The following GALNT13 variants were observed in gnomAD, a reference collection of about 807,000 sequenced individuals.
GALNT13 encodes the protein polypeptide N-acetylgalactosaminyltransferase 13, also known as UDP-GalNAc:polypeptide N-acetylgalactosaminyltransferase 13.
Under a neutral mutation model 64.2 loss-of-function variants are expected in GALNT13, and 28 were observed. The observed-to-expected ratio is 0.44, with a 90% CI of 0.32 to 0.60. The LOEUF (loss-of-function observed/expected upper bound fraction) is 0.60. GALNT13 is among the 20% of genes least tolerant of loss of function. The pLI, the probability that GALNT13 is intolerant of heterozygous loss-of-function variation, is 0.05. For missense variants in GALNT13, 577 were observed against 669.8 expected (o/e 0.86, Z 1.53); for synonymous variants, 214 against 224.6 (o/e 0.95, Z 0.42).
intron 4 of GALNT13, among the ~76,000 whole-genome samples, chr2:154,207,373 G>A (rs140413511): frequency 5.1e-4 from 78 of 151,844 alleles, no homozygotes; most frequent in East Asian, 1.2e-3. Context: ...TATCATTTCC[G>A]TACCCAATTT....
In GALNT13 at chr2:154,344,104, C is replaced by G. The variant is rs78697819; in HGVS notation, c.1156+42515C>G. On this transcript the variant is annotated intron_variant, in intron 9 of 12. Transcript: ENST00000392825. ...AAGAAGGATTTTATGTATTCTGTCT[C>G]TATGATCTTTACAGATTCCTTAGTA... Among the ~76,000 whole-genome samples, 719 of 152,138 alleles carry G rather than the reference C, an allele frequency of 4.7e-3. 3 individuals carry two copies. The highest frequency in any genetic ancestry group is 5.9e-3 in the Admixed American group (90 of 15,236).
At chr2:153,512,871 A>T in the GALNT13 span, among the ~76,000 whole-genome samples, 7 of 152,312 alleles carry the variant, frequency 4.6e-5, no homozygotes, top group African/African-American at 1.7e-4. Flanking sequence ...TGCCCAGCTG[A>T]GTTTATTCCA....
intron 8 of GALNT13, among the ~76,000 whole-genome samples, chr2:154,292,950 G>A (rs1355404020): frequency 2.6e-5 from 4 of 152,070 alleles, no homozygotes; most frequent in Admixed American, 2.6e-4. Context: ...CTCCTAGCAG[G>A]GGAAATAGAG....
chr2:153,566,158 A>G, the GALNT13 span, among the ~76,000 whole-genome samples: 1 of 152,264 alleles, frequency 6.6e-6, no homozygotes, highest in Non-Finnish European at 1.5e-5. Flanking sequence ...TCAAAACAGA[A>G]TTCTTTATTT....
the GALNT13 span, among the ~76,000 whole-genome samples, chr2:153,500,253 GAC>G: frequency 2.0e-5 from 3 of 152,124 alleles, no homozygotes; most frequent in East Asian, 5.8e-4. Flanking sequence ...CCATTTGCAT[GAC>G]CATTTGGAGT....
chr2:153,530,234 C>T, the GALNT13 span, among the ~76,000 whole-genome samples: 1 of 151,752 alleles, frequency 6.6e-6, no homozygotes, highest in East Asian at 1.9e-4. Flanking sequence ...TATATGCCAA[C>T]TGTGAACAAG....
At chr2:153,935,557 G>T (rs1690846844) in intron 2 of GALNT13, among the ~76,000 whole-genome samples, 1 of 152,206 alleles carries the variant, frequency 6.6e-6, no homozygotes, top group Admixed American at 6.5e-5. Context: ...ACAATGTTAT[G>T]CAAGTTCCTG....
At chr2:153,870,053 G>A (rs527499135), upstream of GALNT13, among the ~76,000 whole-genome samples, 3 of 152,006 alleles carry the variant, frequency 2.0e-5, no homozygotes, top group Admixed American at 1.3e-4. Context: ...CACCAGACAA[G>A]TGAGTGAAGC....
intron 3 of GALNT13, among the ~76,000 whole-genome samples, chr2:153,974,151 C>G (rs191596594): frequency 7.9e-5 from 12 of 152,170 alleles, no homozygotes; most frequent in African/African-American, 2.4e-4. Context: ...TATTTTGTGG[C>G]TGTTACTTGC....
the GALNT13 span, among the ~76,000 whole-genome samples, chr2:153,236,605 T>G: frequency 1.2e-4 from 18 of 152,082 alleles, no homozygotes; most frequent in Non-Finnish European, 2.5e-4. Context: ...ACAGCATATA[T>G]GTTTACAGTA....
At chr2:154,285,179 C>T (rs1294611623) in intron 8 of GALNT13, among the ~76,000 whole-genome samples, 2 of 152,144 alleles carry the variant, frequency 1.3e-5, no homozygotes, top group South Asian at 4.1e-4. Context: ...GTTGTCTCCT[C>T]ACTCTGTTGT....
the GALNT13 span, among the ~76,000 whole-genome samples, chr2:153,287,211 G>T: frequency 0.36 from 55,154 of 151,974 alleles, 11,853 homozygotes; most frequent in Non-Finnish European, 0.5. Flanking sequence ...GCTCCGCTGC[G>T]CATACCCCTA....
At chr2:153,704,708 T>C in the GALNT13 span, among the ~76,000 whole-genome samples, 1 of 152,188 alleles carries the variant, frequency 6.6e-6, no homozygotes, top group Admixed American at 6.6e-5. Context: ...ATAAATTCCA[T>C]CTGAACCCAT....
At chr2:153,373,260 A>C in the GALNT13 span, among the ~76,000 whole-genome samples, 5 of 152,266 alleles carry the variant, frequency 3.3e-5, no homozygotes, top group East Asian at 7.7e-4. Flanking sequence ...TGGGCCAGTA[A>C]GTCACACAAG....
the GALNT13 span, among the ~76,000 whole-genome samples, chr2:153,553,096 A>G: frequency 6.6e-6 from 1 of 152,228 alleles, no homozygotes; most frequent in African/African-American, 2.4e-5. Context: ...TGGAGTTATT[A>G]AAAAGAGTGA....
the GALNT13 span, chr2:153,478,138 G>A: frequency 1.1e-6 from 1 of 903,920 alleles, no homozygotes; most frequent in Non-Finnish European, 1.7e-6. Context: ...AATTGACTCC[G>A]ACAGGTTTGC....
chr2:154,424,236 G>A (rs764943739), intron 11 of GALNT13, among the ~76,000 whole-genome samples: 11 of 152,102 alleles, frequency 7.2e-5, no homozygotes, highest in Non-Finnish European at 1.3e-4. Context: ...ACCAAGAAGT[G>A]AAATGCTAAT....
chr2:153,743,733 G>C, the GALNT13 span, among the ~76,000 whole-genome samples: 12,630 of 152,060 alleles, frequency 0.083, 1,157 homozygotes, highest in African/African-American at 0.22. Context: ...TTATTGACTA[G>C]AGTCACCCTG....
At chr2:153,332,762 G>A in the GALNT13 span, among the ~76,000 whole-genome samples, 3,389 of 152,150 alleles carry the variant, frequency 0.022, 121 homozygotes, top group African/African-American at 0.076. Context: ...GTAAGAGTGG[G>A]GCACCTCAGG....
Sources: allele counts gnomAD v4.1 joint callset (sites outside exome capture counted in the v4.1 genomes callset), GRCh38; gene constraint gnomAD v4.1.1; transcripts MANE v1.5; gene names NCBI Gene and HGNC (gene_info 2026-07-23, HGNC 2026-07-21).